Variants in SHPRH observed in about 807,000 individuals in gnomAD.
The protein encoded by SHPRH is SNF2 histone linker PHD RING helicase, also known as E3 ubiquitin-protein ligase SHPRH.
SHPRH carries 106 observed loss-of-function variants against 202.5 expected under a neutral mutation model. That is an observed-to-expected ratio of 0.52 (90% CI 0.45 to 0.62). SHPRH has a LOEUF of 0.62. Ranked by LOEUF, SHPRH falls within the 20% of genes least tolerant of loss-of-function variation. The probability of loss-of-function intolerance (pLI) is 0.00; values close to 1 mark genes in which losing one functional copy is unlikely to be tolerated. For missense variants in SHPRH, 1,710 were observed against 2,020.0 expected (o/e 0.85, Z 2.94); for synonymous variants, 729 against 686.0 (o/e 1.06, Z -0.98).
At chr6:145,923,338 C>T (rs188036990) in intron 18 of SHPRH, among the ~76,000 whole-genome samples, 1 of 151,804 alleles carries the variant, frequency 6.6e-6, no homozygotes, top group African/African-American at 2.4e-5. Context: ...GGCACTTTGC[C>T]AAGCACTTTT....
At chr6:145,864,294 C>A in exon 3 of SHPRH, 1 of 337,960 alleles carries the variant, frequency 3.0e-6, no homozygotes, top group Admixed American at 3.4e-5. Context: ...CTGAATAAGC[C>A]CCATAATTTT....
At chr6:145,941,543 A>T in intron 10 of SHPRH, 80 bp downstream of exon 10, 1 of 1,557,968 alleles carries the variant, frequency 6.4e-7, no homozygotes, top group Non-Finnish European at 8.7e-7. Flanking sequence ...CTATGCTTAA[A>T]CTATTAAACT....
At chr6:145,945,334 T>C in intron 8 of SHPRH, 47 bp downstream of exon 8, 1 of 1,549,952 alleles carries the variant, frequency 6.5e-7, no homozygotes, top group Non-Finnish European at 8.7e-7. Context: ...CTCAGTAAGG[T>C]ATCACATACG....
chr6:145,877,110 T>A (rs373392380), intron 2 of SHPRH: 52 of 152,354 alleles, frequency 3.4e-4, no homozygotes, highest in African/African-American at 1.1e-3. Flanking sequence ...TAACTCCATT[T>A]AACACTCCAG....
chr6:145,932,206 T>C (rs1785535324), intron 14 of SHPRH, among the ~76,000 whole-genome samples: 1 of 152,186 alleles, frequency 6.6e-6, no homozygotes, highest in South Asian at 2.1e-4. Context: ...TTTTAATGTT[T>C]CTCATATTTA....
At chr6:145,958,549 C>T (rs1205675352) in intron 1 of SHPRH, among the ~76,000 whole-genome samples, 6 of 152,166 alleles carry the variant, frequency 3.9e-5, no homozygotes, top group African/African-American at 1.4e-4. Flanking sequence ...TATCCTCCTT[C>T]CCTGATGACT....
chr6:145,955,464 A>G (rs1788412250), intron 1 of SHPRH, 110 bp from the exon 2 acceptor site: 1 of 1,083,324 alleles, frequency 9.2e-7, no homozygotes, highest in Non-Finnish European at 1.3e-6. Context: ...ATAATATGAA[A>G]TCTTCTGTGA....
chr6:145,889,770 G>A (rs778545323), intron 28 of SHPRH, among the ~76,000 whole-genome samples: 1 of 152,130 alleles, frequency 6.6e-6, no homozygotes, highest in African/African-American at 2.4e-5. Context: ...TGCTCAACCT[G>A]TACAAGGGAA....
In SHPRH at chr6:145,886,378, A is replaced by T; in HGVS notation, c.*313T>A. On this transcript the variant is annotated 3_prime_UTR_variant, in exon 30 of 30. Transcript: ENST00000275233. ...TCTTATTCCAACTGTTTTATGAGTG[A>T]TCTTATCATAAGAAAAGTACACATT... The T allele has an allele frequency of 1.4e-6, 1 of 715,388 alleles. No homozygotes were observed. Among genetic ancestry groups the T allele is most frequent in the Non-Finnish European group, 2.6e-6 (1 of 384,878 alleles). 44.3% of individuals were successfully genotyped at this position (715,388 alleles called of 1,614,324 possible).
In SHPRH at chr6:145,934,993, G is replaced by A. The variant is rs751974398; in HGVS notation, c.2904C>T (p.Thr968=). The A allele has an allele frequency of 1.9e-6, 3 of 1,613,940 alleles. No individual in the cohort carries two copies. The highest frequency in any genetic ancestry group is 1.6e-4 in the Middle Eastern group (1 of 6,082). ...KLSSLDRRTV[T]SILYPLLRLR... ...GCCTCAGCAATGGATACAGGATAGAGGTGACAGTCCTTCTGTCTAGGCTGC... is the reference window on the plus strand; with the variant it reads ...GCCTCAGCAATGGATACAGGATAGAAGTGACAGTCCTTCTGTCTAGGCTGC... The change falls in exon 13 of 30, where the codon ACC becomes ACT. Residue 968 remains threonine (T), a synonymous_variant. Transcript: ENST00000275233.
intron 1 of SHPRH, among the ~76,000 whole-genome samples, chr6:145,959,725 G>T (rs1031425662): frequency 2.6e-5 from 4 of 152,216 alleles, no homozygotes; most frequent in Admixed American, 6.5e-5. Flanking sequence ...AAAAGTCTAT[G>T]TATCAGACAG....
chr6:145,921,659 C>T (rs957979422), intron 20 of SHPRH, among the ~76,000 whole-genome samples: 4 of 151,348 alleles, frequency 2.6e-5, no homozygotes, highest in South Asian at 4.2e-4. Context: ...GAACGTTTGG[C>T]AAGGAAATAT....
At chr6:145,935,556 A>T in intron 11 of SHPRH, 115 bp from the exon 12 acceptor site, 2 of 895,974 alleles carry the variant, frequency 2.2e-6, no homozygotes, top group Non-Finnish European at 1.6e-6. Context: ...ATTAAAATAC[A>T]GGCTGTATAG....
chr6:145,878,575 C>T (rs1780410273), intron 2 of SHPRH, among the ~76,000 whole-genome samples: 1 of 152,156 alleles, frequency 6.6e-6, no homozygotes, highest in Non-Finnish European at 1.5e-5. Flanking sequence ...GGAGAAATGT[C>T]TATTCAAATC....
At chr6:145,921,531 A>G in intron 20 of SHPRH, 139 bp from the exon 21 acceptor site, 1 of 749,972 alleles carries the variant, frequency 1.3e-6, no homozygotes, top group Non-Finnish European at 2.0e-6. Flanking sequence ...AACATCATAA[A>G]TTTGGCCAGT....
chr6:145,884,454 G>C (rs1481234844), downstream of SHPRH: 3 of 152,138 alleles, frequency 2.0e-5, no homozygotes, highest in Admixed American at 2.0e-4. Flanking sequence ...ACACATTTAA[G>C]TTTAATGACT....
intron 14 of SHPRH, among the ~76,000 whole-genome samples, chr6:145,927,693 A>C (rs531273808): frequency 5.3e-5 from 8 of 151,858 alleles, no homozygotes; most frequent in Non-Finnish European, 7.4e-5. Flanking sequence ...TAGATTATTT[A>C]TTAAAAAAAA....
Position 145,943,631 on chromosome 6 carries a change from T to G in SHPRH, c.1750A>C (p.Thr584Pro). 1 of 1,613,910 alleles carries G rather than the reference T, an allele frequency of 6.2e-7. No individual in the cohort carries two copies. The highest frequency in any genetic ancestry group is 8.5e-7 in the Non-Finnish European group (1 of 1,179,886). Residue 584 changes from threonine to proline, a missense_variant, in exon 9 of 30, where the codon ACA becomes CCA. Around this residue, in one of 8 missense-constraint regions of SHPRH, gnomAD observed 348 missense variants for 356.9 expected, o/e 0.97. Transcript: ENST00000275233. ...AATGGTTGACTTTTTCCTTTTTTTG[T>G]GGATGGAACAAGCTTTTTCCTCAAT... is the stretch of plus-strand genomic sequence containing the variant. ...SKLRKKLVPS[T>P]KKGKSQPFIN...
rs1424288155 is a variant in SHPRH at position 145,934,492 on chromosome 6, T to TAAAAC, written c.2990+414_2990+415insGTTTT. Among the ~76,000 whole-genome samples the TAAAAC allele has an allele frequency of 2.7e-5, 4 of 147,484 alleles. No homozygotes were observed. In the East Asian group the frequency reaches 8.1e-4, roughly 30 times the overall value. On this transcript the variant is annotated intron_variant, in intron 13 of 29. Coordinates refer to ENST00000275233, the MANE Select transcript of SHPRH (RefSeq NM_001042683.3). Reference sequence around the variant, plus strand: ...AAAAAATAAATAAAATAAAATAAAATAAAATAAAATAAAATAAAAAGTAGC... The same window carrying TAAAAC: ...AAAAAATAAATAAAATAAAATAAAATAAAACAAAATAAAATAAAATAAAAAGTAGC...
Sources: gnomAD v4.1 joint callset for allele counts (sites outside exome capture counted in the v4.1 genomes callset) on GRCh38, gnomAD v4.1.1 for gene constraint, gnomAD v4.1.1 regional missense constraint, MANE v1.5 for transcripts, NCBI Gene and HGNC (gene_info 2026-07-23, HGNC 2026-07-21) for gene names.